The following CACNA2D3 variants were observed in gnomAD, a reference collection of about 807,000 sequenced individuals.
The protein encoded by CACNA2D3 is voltage-dependent calcium channel subunit alpha-2/delta-3.
In CACNA2D3, 60 loss-of-function variants were observed where a neutral mutation model predicts 160.6. The ratio of observed to expected loss-of-function variants is 0.37; its 90% confidence interval spans 0.30 to 0.46. CACNA2D3 has a LOEUF of 0.46. Among genes scored for constraint, CACNA2D3 ranks in the 20% least tolerant of loss-of-function variants. The pLI, the probability that CACNA2D3 is intolerant of heterozygous loss-of-function variation, is 1.00. For synonymous variants in CACNA2D3, 558 were observed against 492.9 expected, an observed-to-expected ratio of 1.13 and a Z score of -1.75; for missense variants, 1,205 against 1,365.0, an observed-to-expected ratio of 0.88 and a Z score of 1.85.
chr3:54,818,860 T>C (rs980397378), intron 14 of CACNA2D3, among the ~76,000 whole-genome samples: 2 of 152,226 alleles, frequency 1.3e-5, no homozygotes, highest in African/African-American at 4.8e-5. Context: ...CTATGCGACA[T>C]GGTTTCAGAA....
At chr3:54,822,808 TTTCTTTCTTTCTTTCTTTCTTTCTTTTC>T (rs1703660335) in intron 14 of CACNA2D3, among the ~76,000 whole-genome samples, 2 of 120,506 alleles carry the variant, frequency 1.7e-5, no homozygotes, top group African/African-American at 7.9e-5. Flanking sequence ...TCTTTCTTTC[TTTCTTTCTTTCTTTCTTTCTTTCTTTTC>T]TTTCTTTCTT....
intron 12 of CACNA2D3, 72 bp from the exon 13 acceptor site, chr3:54,764,145 TG>T: frequency 6.6e-7 from 1 of 1,516,140 alleles, no homozygotes; most frequent in East Asian, 2.3e-5. Context: ...CAAGAAGGCA[TG>T]GCATATGCAT....
In CACNA2D3 at chr3:54,872,835, A is replaced by G. The variant is rs934229710; in HGVS notation, c.1710+1213A>G. ...TCCATACCCTTTTCCCCGCAAGCCA[A>G]TGAGCTGACATAGTGTCAGCTCAAT... On this transcript the variant is annotated intron_variant, in intron 18 of 37. Coordinates refer to ENST00000474759, the MANE Select transcript of CACNA2D3 (RefSeq NM_018398.3). 4.6e-5 allele frequency among the ~76,000 whole-genome samples: 7 copies of G among 152,136 alleles called. No individual in the cohort carries two copies. The South Asian group carries it at 6.2e-4, about 14-fold the overall frequency.
chr3:54,269,493 A>G (rs1289678419), intron 2 of CACNA2D3, among the ~76,000 whole-genome samples: 1 of 152,192 alleles, frequency 6.6e-6, no homozygotes, highest in African/African-American at 2.4e-5. Context: ...AAAGCTAAAC[A>G]TTGTGGACCC....
chr3:54,989,611 G>C (rs868437361), intron 31 of CACNA2D3, among the ~76,000 whole-genome samples: 7 of 152,214 alleles, frequency 4.6e-5, no homozygotes, highest in Middle Eastern at 6.8e-3. Context: ...CCAAACACTG[G>C]TTTCTCTACA....
chr3:54,519,115 A>G (rs1325004113), intron 5 of CACNA2D3, among the ~76,000 whole-genome samples: 1 of 13,344 alleles, frequency 7.5e-5, no homozygotes, highest in African/African-American at 3.7e-4. Context: ...CTCAGTTGAC[A>G]GATGGGTGCC....
chr3:54,549,813 T>C (rs1036582586), intron 5 of CACNA2D3, among the ~76,000 whole-genome samples: 3 of 152,174 alleles, frequency 2.0e-5, no homozygotes. Context: ...ATATTAAATA[T>C]CAATAAAAAG....
intron 9 of CACNA2D3, among the ~76,000 whole-genome samples, chr3:54,625,653 G>C (rs536265668): frequency 1.3e-5 from 2 of 152,188 alleles, no homozygotes; most frequent in Non-Finnish European, 2.9e-5. Context: ...ATTCAGCCTC[G>C]ATTCATGTTA....
At chr3:54,486,812 C>T (rs1288201411) in intron 4 of CACNA2D3, among the ~76,000 whole-genome samples, 2 of 152,092 alleles carry the variant, frequency 1.3e-5, no homozygotes, top group African/African-American at 4.8e-5. Context: ...TGACAGGGCC[C>T]TCTTGATTGA....
chr3:54,242,577 C>T (rs950001437), intron 2 of CACNA2D3, among the ~76,000 whole-genome samples: 2 of 152,182 alleles, frequency 1.3e-5, no homozygotes, highest in African/African-American at 4.8e-5. Context: ...ACAAGCCCTG[C>T]GACGCCTCAA....
At chr3:54,864,014 A>G (rs963354687) in intron 17 of CACNA2D3, among the ~76,000 whole-genome samples, 1 of 152,016 alleles carries the variant, frequency 6.6e-6, no homozygotes, top group African/African-American at 2.4e-5. Context: ...ATAGAGGCTC[A>G]TTGGCATTTT....
chr3:54,188,622 A>C (rs1434021148), intron 2 of CACNA2D3, among the ~76,000 whole-genome samples: 2 of 152,096 alleles, frequency 1.3e-5, no homozygotes, highest in Non-Finnish European at 2.9e-5. Flanking sequence ...AGCAAATGGG[A>C]GGCCATGTTT....
Position 54,311,749 on chromosome 3 carries a change from G to A in CACNA2D3, c.205-8693G>A, listed in dbSNP as rs139992386. Among the ~76,000 whole-genome samples, 439 of 152,262 alleles carry A rather than the reference G, an allele frequency of 2.9e-3. 3 individuals carry two copies. The highest frequency in any genetic ancestry group is 4.8e-3 in the Non-Finnish European group (328 of 68,026). On this transcript the variant is annotated intron_variant, in intron 2 of 37. Coordinates refer to ENST00000474759, the MANE Select transcript of CACNA2D3 (RefSeq NM_018398.3). ...CTTTTACCCCAAGGGAACCACATGTGTTTGTCAACACATTCCCCCCATCTC... is the reference window on the plus strand; with the variant it reads ...CTTTTACCCCAAGGGAACCACATGTATTTGTCAACACATTCCCCCCATCTC...
intron 11 of CACNA2D3, among the ~76,000 whole-genome samples, chr3:54,738,122 A>AT (rs1463842311): frequency 1.3e-5 from 2 of 152,208 alleles, no homozygotes; most frequent in Non-Finnish European, 2.9e-5. Context: ...ACAGAATGGT[A>AT]TTTTAGCAAG....
Position 55,046,093 on chromosome 3 carries a change from T to A in CACNA2D3, c.2988-27352T>A, listed in dbSNP as rs886535726. 2.6e-5 allele frequency among the ~76,000 whole-genome samples: 4 copies of A among 151,088 alleles called. No homozygotes were observed. The South Asian group carries it at 8.4e-4, about 32-fold the overall frequency. On this transcript the variant is annotated intron_variant, in intron 35 of 37. Transcript: ENST00000474759. ...TTGATAGGTTTTATGTTACACTTTT[T>A]TTTTTAACGTCTTTTTTTTTATTAT...
chr3:55,023,751 T>A (rs1469084600), intron 35 of CACNA2D3, among the ~76,000 whole-genome samples: 3 of 152,058 alleles, frequency 2.0e-5, no homozygotes. Context: ...GTTATGTAAG[T>A]TTTTTGTATT....
intron 35 of CACNA2D3, among the ~76,000 whole-genome samples, chr3:55,040,032 G>A (rs1703923021): frequency 6.6e-6 from 1 of 152,134 alleles, no homozygotes; most frequent in Admixed American, 6.6e-5. Flanking sequence ...ATTTTTGGAG[G>A]CTGGGAGGTC....
chr3:54,169,503 C>T (rs917665323), intron 2 of CACNA2D3, among the ~76,000 whole-genome samples: 3 of 152,058 alleles, frequency 2.0e-5, no homozygotes, highest in Admixed American at 6.6e-5. Context: ...TACTGCACTT[C>T]GGCTATACAC....
chr3:54,581,017 C>T (rs966523489), intron 8 of CACNA2D3, among the ~76,000 whole-genome samples: 1 of 152,136 alleles, frequency 6.6e-6, no homozygotes, highest in Admixed American at 6.5e-5. Flanking sequence ...GTCAGCAGGA[C>T]CAAGGGTCCA....
Sources: gnomAD v4.1 joint callset for allele counts (sites outside exome capture counted in the v4.1 genomes callset) on GRCh38, gnomAD v4.1.1 for gene constraint, MANE v1.5 for transcripts, NCBI Gene and HGNC (gene_info 2026-07-23, HGNC 2026-07-21) for gene names.